The following GRIA2 variants were observed in gnomAD, a reference collection of about 807,000 sequenced individuals.
GRIA2 encodes glutamate receptor 2.
Under a neutral mutation model 97.3 loss-of-function variants are expected in GRIA2, and 14 were observed. The observed-to-expected ratio is 0.14, with a 90% confidence interval of 0.10 to 0.23. GRIA2 has a LOEUF of 0.23. Ranked by LOEUF, GRIA2 falls within the 10% of genes least tolerant of loss-of-function variation. The pLI is 1.00. For missense variants in GRIA2, 558 were observed against 1,069.8 expected (o/e 0.52, Z 6.67); for synonymous variants, 412 against 387.8 (o/e 1.06, Z -0.73).
intron 3 of GRIA2, among the ~76,000 whole-genome samples, chr4:157,306,148 G>A (rs1733831787): frequency 6.6e-6 from 1 of 152,078 alleles, no homozygotes; most frequent in South Asian, 2.1e-4. Flanking sequence ...GACTGAGGAT[G>A]GCATTTTTAG....
chr4:157,288,059 T>C (rs1023614048), intron 2 of GRIA2, among the ~76,000 whole-genome samples: 2 of 151,754 alleles, frequency 1.3e-5, no homozygotes, highest in African/African-American at 4.8e-5. Context: ...TAAAGTATTA[T>C]ACATTTTTAG....
At chr4:157,339,184 C>T (rs1258084723) in intron 11 of GRIA2, among the ~76,000 whole-genome samples, 2 of 151,660 alleles carry the variant, frequency 1.3e-5, no homozygotes, top group African/African-American at 4.8e-5. Flanking sequence ...TTTTATTGTC[C>T]TGTTTGCTTC....
intron 2 of GRIA2, among the ~76,000 whole-genome samples, chr4:157,288,027 A>C (rs1284318085): frequency 6.6e-6 from 1 of 151,726 alleles, no homozygotes; most frequent in East Asian, 1.9e-4. Context: ...GTGTGCTGTA[A>C]AAATACTGAA....
At chr4:157,263,080 A>G (rs992995352) in intron 2 of GRIA2, among the ~76,000 whole-genome samples, 1 of 152,148 alleles carries the variant, frequency 6.6e-6, no homozygotes, top group Non-Finnish European at 1.5e-5. Flanking sequence ...TAAGCTACGA[A>G]TAGCAGGATT....
At chr4:157,265,217 G>A (rs1731716617) in intron 2 of GRIA2, among the ~76,000 whole-genome samples, 1 of 152,110 alleles carries the variant, frequency 6.6e-6, no homozygotes. Context: ...TGGTGAACAA[G>A]CAAAACATAG....
chr4:157,290,501 CTT>C (rs148535009), intron 2 of GRIA2, among the ~76,000 whole-genome samples: 2,741 of 140,812 alleles, frequency 0.019, 71 homozygotes, highest in African/African-American at 0.064. Context: ...TACATCACTG[CTT>C]TTTTTTTTTT....
intron 2 of GRIA2, among the ~76,000 whole-genome samples, chr4:157,302,939 A>C (rs2126865117): frequency 6.6e-6 from 1 of 152,338 alleles, no homozygotes; most frequent in East Asian, 1.9e-4. Flanking sequence ...AGGGTAAGTT[A>C]GGTCCATGGG....
intron 12 of GRIA2, among the ~76,000 whole-genome samples, chr4:157,353,642 C>T (rs569614182): frequency 6.6e-6 from 1 of 152,110 alleles, no homozygotes; most frequent in South Asian, 2.1e-4. Context: ...GAGATAGAGC[C>T]ACTGCACTCC....
At chr4:157,288,040 G>T (rs765454591) in intron 2 of GRIA2, among the ~76,000 whole-genome samples, 23 of 151,602 alleles carry the variant, frequency 1.5e-4, no homozygotes, top group Non-Finnish European at 3.1e-4. Context: ...ATACTGAAAA[G>T]AATCCTAATA....
intron 2 of GRIA2, among the ~76,000 whole-genome samples, chr4:157,253,257 C>T (rs1224671928): frequency 1.3e-5 from 2 of 151,934 alleles, no homozygotes; most frequent in Non-Finnish European, 1.5e-5. Context: ...GCTGGGATCA[C>T]AGGCACACAC....
chr4:157,351,665 C>T (rs915758966), intron 12 of GRIA2, among the ~76,000 whole-genome samples: 2 of 152,276 alleles, frequency 1.3e-5, no homozygotes, highest in African/African-American at 4.8e-5. Flanking sequence ...CCATAATCCC[C>T]ATGTGTCAAG....
At chr4:157,338,001 T>C (rs1028206142) in intron 11 of GRIA2, among the ~76,000 whole-genome samples, 12 of 120,152 alleles carry the variant, frequency 1.0e-4, no homozygotes, top group Admixed American at 1.0e-3. Context: ...TGTGTGTATA[T>C]ATATGTGTAT....
intron 2 of GRIA2, among the ~76,000 whole-genome samples, chr4:157,281,356 T>C (rs947631148): frequency 1.3e-5 from 2 of 152,124 alleles, no homozygotes; most frequent in Admixed American, 6.6e-5. Flanking sequence ...GTCATTTCTT[T>C]TTAGTAAGAG....
chr4:157,333,350 G>C lies in GRIA2; in HGVS notation c.1152G>C (p.Arg384=). The part of the protein sequence containing the change: ...NIMELKTNGP[R]KIGYWSEVDK... ...TGGAGCTCAAAACTAATGGGCCCCG[G>C]AAGGTAAATCCTTAGTGATTTAAAG... The change falls in exon 8 of 16, where the codon CGG becomes CGC. Residue 384 remains arginine, a synonymous_variant. Transcript: ENST00000264426. 1 of 1,544,686 alleles carries C rather than the reference G, an allele frequency of 6.5e-7. No homozygotes were observed. The highest frequency in any genetic ancestry group is 8.9e-7 in the Non-Finnish European group (1 of 1,125,288).
At chr4:157,334,256 A>C (rs1379352206) in intron 9 of GRIA2, 136 bp downstream of exon 9, 4 of 603,018 alleles carry the variant, frequency 6.6e-6, no homozygotes, top group Non-Finnish European at 1.2e-5. Flanking sequence ...TTTCATATTT[A>C]CTCTGTTAAA....
intron 3 of GRIA2, 39 bp from the exon 4 acceptor site, chr4:157,312,640 C>T (rs762551172): frequency 3.3e-5 from 38 of 1,147,660 alleles, no homozygotes; most frequent in Middle Eastern, 2.0e-4. Flanking sequence ...GAGTTATTCA[C>T]GTATCTTTAT....
intron 2 of GRIA2, among the ~76,000 whole-genome samples, chr4:157,237,986 T>C (rs927947322): frequency 6.6e-6 from 1 of 152,076 alleles, no homozygotes; most frequent in African/African-American, 2.4e-5. Context: ...TAACAATCCA[T>C]ATGTGTTCAC....
In GRIA2 at chr4:157,280,756, G is replaced by T. The variant is rs538527649; in HGVS notation, c.230-22796G>T. ...TCATTCCTCTGCTTGTATTACATTTGCTTATGTCCCATTGCTCAAATTAAG... is the reference window on the plus strand; with the variant it reads ...TCATTCCTCTGCTTGTATTACATTTTCTTATGTCCCATTGCTCAAATTAAG... On this transcript the variant is annotated intron_variant, in intron 2 of 15. Transcript: ENST00000264426. Among the ~76,000 whole-genome samples, 4 of 152,024 alleles carry T rather than the reference G, an allele frequency of 2.6e-5. No individual in the cohort carries two copies. The East Asian group carries it at 7.8e-4, about 30-fold the overall frequency.
At chr4:157,265,982 A>G (rs1047675701) in intron 2 of GRIA2, among the ~76,000 whole-genome samples, 3 of 152,134 alleles carry the variant, frequency 2.0e-5, no homozygotes, top group African/African-American at 7.2e-5. Flanking sequence ...AATATTGTTC[A>G]GAAGGCATAT....
Sources: gnomAD v4.1 joint callset for allele counts (sites outside exome capture counted in the v4.1 genomes callset) on GRCh38, gnomAD v4.1.1 for gene constraint, MANE v1.5 for transcripts, NCBI Gene and HGNC (gene_info 2026-07-23, HGNC 2026-07-21) for gene names.